TLL2: variants seen among roughly 807,000 people sequenced by gnomAD.
TLL2 encodes tolloid like 2, also known as tolloid-like protein 2.
TLL2 carries 106 observed loss-of-function variants against 123.0 expected under a neutral mutation model. That is an observed-to-expected ratio of 0.86 (90% CI 0.74 to 1.01). TLL2 has a LOEUF of 1.01. Ranked by LOEUF, TLL2 falls within the 50% of genes least tolerant of loss-of-function variation. The pLI is 0.00. For missense variants in TLL2, 1,332 were observed against 1,336.7 expected (o/e 1.00, Z 0.06); for synonymous variants, 494 against 516.8 (o/e 0.96, Z 0.60).
chr10:96,410,028 C>T (rs115375945), intron 9 of TLL2, among the ~76,000 whole-genome samples: 2,417 of 152,250 alleles, frequency 0.016, 50 homozygotes, highest in African/African-American at 0.054. Context: ...GCTGGCTCCC[C>T]GTGTCACCAT....
intron 1 of TLL2, among the ~76,000 whole-genome samples, chr10:96,507,242 G>A (rs1317589146): frequency 6.6e-6 from 1 of 151,976 alleles, no homozygotes; most frequent in Non-Finnish European, 1.5e-5. Flanking sequence ...TTCTCAGCTC[G>A]AGCAGCTGTG....
intron 1 of TLL2, among the ~76,000 whole-genome samples, chr10:96,509,505 C>T (rs1023834847): frequency 1.3e-5 from 2 of 152,242 alleles, no homozygotes; most frequent in African/African-American, 4.8e-5. Flanking sequence ...CCTAAAGCAG[C>T]TACCTTGATT....
rs375347897 is a variant in TLL2 at position 96,504,786 on chromosome 10, C to T, written c.175+8725G>A. On this transcript the variant is annotated intron_variant, in intron 1 of 20. Coordinates refer to ENST00000357947, the MANE Select transcript of TLL2 (RefSeq NM_012465.4). The stretch of plus-strand genomic sequence containing the variant: ...CTTTGGGAGGCCGAAGTGAGCAGAT[C>T]ACGAGGTCAGGAGATTGAGACCATC... Among the ~76,000 whole-genome samples the T allele has an allele frequency of 2.8e-4, 42 of 152,330 alleles. No individual in the cohort carries two copies. The East Asian group carries it at 6.4e-3, about 23-fold the overall frequency.
chr10:96,476,241 T>TATA (rs1554939631), intron 2 of TLL2, among the ~76,000 whole-genome samples: 10,757 of 70,666 alleles, frequency 0.15, 1,752 homozygotes, highest in Middle Eastern at 0.22. Context: ...TATATATATA[T>TATA]TTTATTTTTG....
chr10:96,394,189 G>A (rs965406486), intron 13 of TLL2, among the ~76,000 whole-genome samples: 5 of 152,156 alleles, frequency 3.3e-5, no homozygotes, highest in Non-Finnish European at 5.9e-5. Context: ...GAGGGAAGAG[G>A]AGAAAGCAGG....
chr10:96,401,161 G>C (rs1301000029), intron 10 of TLL2, among the ~76,000 whole-genome samples: 1 of 152,120 alleles, frequency 6.6e-6, no homozygotes, highest in African/African-American at 2.4e-5. Context: ...GGCTCCATGG[G>C]GAGTCATAAA....
chr10:96,418,101 G>T (rs1042949213), intron 7 of TLL2, among the ~76,000 whole-genome samples: 2 of 152,124 alleles, frequency 1.3e-5, no homozygotes, highest in African/African-American at 4.8e-5. Context: ...TATTTCATGG[G>T]TTTGGCCCAT....
intron 3 of TLL2, among the ~76,000 whole-genome samples, chr10:96,440,332 A>C (rs775974846): frequency 2.0e-4 from 31 of 152,226 alleles, no homozygotes; most frequent in Non-Finnish European, 3.5e-4. Context: ...TTTTGAATGT[A>C]TGAATTAAAG....
At chr10:96,371,164 A>G (rs1314039064) in intron 19 of TLL2, among the ~76,000 whole-genome samples, 1 of 152,030 alleles carries the variant, frequency 6.6e-6, no homozygotes, top group Non-Finnish European at 1.5e-5. Context: ...TCTACTGAAA[A>G]TACAAAATTA....
At chr10:96,474,105 T>C (rs567826505) in intron 2 of TLL2, among the ~76,000 whole-genome samples, 71 of 152,310 alleles carry the variant, frequency 4.7e-4, no homozygotes, top group Non-Finnish European at 7.2e-4. Context: ...GCCCCATTCA[T>C]AGAACAGCGT....
chr10:96,450,358 G>C (rs200763623), intron 2 of TLL2, among the ~76,000 whole-genome samples: 1 of 67,104 alleles, frequency 1.5e-5, no homozygotes, highest in African/African-American at 5.3e-5. Flanking sequence ...TGAATCACCT[G>C]GGAAGCCTTT....
Position 96,480,375 on chromosome 10 carries a change from G to A in TLL2, c.260C>T (p.Thr87Ile), listed in dbSNP as rs754994522. 1 of 1,614,194 alleles carries A rather than the reference G, an allele frequency of 6.2e-7. No individual in the cohort carries two copies. Among genetic ancestry groups the A allele is most frequent in the Non-Finnish European group, 8.5e-7 (1 of 1,180,022 alleles). ...IDKARDWTKQ[T>I]VGATGHSTGG... ...TGTGCTGTGTCCTGTTGCCCCCACT[G>A]TCTGCTTGGTCCAGTCTCTGGCTTT... Residue 87 changes from threonine (T) to isoleucine (I), a missense_variant, in exon 2 of 21, where the codon ACA becomes ATA. Thr to Ile is a moderately conservative substitution (Grantham distance 89, BLOSUM62 -1). Coordinates refer to ENST00000357947, the MANE Select transcript of TLL2 (RefSeq NM_012465.4).
intron 1 of TLL2, among the ~76,000 whole-genome samples, chr10:96,499,115 G>C (rs116123834): frequency 1.3e-5 from 2 of 152,288 alleles, no homozygotes; most frequent in Admixed American, 1.3e-4. Flanking sequence ...GAAGGATACC[G>C]CAAATAGAAG....
At chr10:96,510,993 G>C (rs1847624294) in intron 1 of TLL2, among the ~76,000 whole-genome samples, 1 of 152,170 alleles carries the variant, frequency 6.6e-6, no homozygotes, top group African/African-American at 2.4e-5. Flanking sequence ...AGTCGTCCCG[G>C]TAACACAGAT....
At chr10:96,502,345 A>G (rs768551063) in intron 1 of TLL2, among the ~76,000 whole-genome samples, 1 of 152,218 alleles carries the variant, frequency 6.6e-6, no homozygotes, top group Admixed American at 6.5e-5. Flanking sequence ...CATGAGTTTG[A>G]GAAAGATCAC....
intron 10 of TLL2, among the ~76,000 whole-genome samples, chr10:96,399,762 A>C (rs1212105893): frequency 6.6e-6 from 1 of 152,218 alleles, no homozygotes; most frequent in African/African-American, 2.4e-5. Flanking sequence ...CCCAAGTTTC[A>C]AATCCAAGTT....
At chr10:96,395,133 G>A (rs1304048138) in intron 13 of TLL2, 54 bp downstream of exon 13, 2 of 1,527,024 alleles carry the variant, frequency 1.3e-6, no homozygotes, top group Non-Finnish European at 8.9e-7. Flanking sequence ...TTAGGCCAGG[G>A]GGAGCAATAT....
intron 1 of TLL2, among the ~76,000 whole-genome samples, chr10:96,488,793 C>G (rs1022843328): frequency 3.9e-5 from 6 of 152,128 alleles, no homozygotes; most frequent in Non-Finnish European, 8.8e-5. Context: ...AAGTCCAGGA[C>G]CACTCATAAC....
chr10:96,468,988 C>T (rs1050421825), intron 2 of TLL2, among the ~76,000 whole-genome samples: 13 of 152,214 alleles, frequency 8.5e-5, no homozygotes, highest in African/African-American at 1.9e-4. Context: ...CAGATGTGCA[C>T]GTTATCAGAT....
Sources: allele counts gnomAD v4.1 joint callset (sites outside exome capture counted in the v4.1 genomes callset), GRCh38; gene constraint gnomAD v4.1.1; transcripts MANE v1.5; gene names NCBI Gene and HGNC (gene_info 2026-07-23, HGNC 2026-07-21).